Variants in GPC5 observed in about 807,000 individuals in gnomAD.
GPC5 encodes the protein glypican 5.
A neutral mutation model predicts 53.9 loss-of-function variants in GPC5; 47 were observed. The ratio of observed to expected loss-of-function variants is 0.87; its 90% CI spans 0.69 to 1.11. The LOEUF (loss-of-function observed/expected upper bound fraction) is 1.11. GPC5 is among the 50% of genes most tolerant of loss of function. The probability of loss-of-function intolerance (pLI) is 0.00; values close to 1 mark genes in which losing one functional copy is unlikely to be tolerated. For missense variants in GPC5, 748 were observed against 713.1 expected (o/e 1.05, Z -0.56); for synonymous variants, 286 against 263.3 (o/e 1.09, Z -0.84).
chr13:91,936,098 A>G (rs964210244), intron 6 of GPC5, among the ~76,000 whole-genome samples: 2 of 152,056 alleles, frequency 1.3e-5, no homozygotes, highest in East Asian at 1.9e-4. Context: ...TATTTGTGAC[A>G]TAACAGTGAT....
chr13:92,857,658 G>A (rs982486129), intron 7 of GPC5, among the ~76,000 whole-genome samples: 1 of 152,002 alleles, frequency 6.6e-6, no homozygotes, highest in Non-Finnish European at 1.5e-5. Context: ...AGTGGGCAAA[G>A]TACATGAAGA....
At chr13:92,049,756 AAC>A (rs1394998926) in intron 6 of GPC5, among the ~76,000 whole-genome samples, 3 of 152,288 alleles carry the variant, frequency 2.0e-5, no homozygotes, top group African/African-American at 7.2e-5. Flanking sequence ...TTGCAATGTT[AAC>A]TAACTTAATT....
chr13:91,888,171 C>T (rs1424082053), intron 5 of GPC5, among the ~76,000 whole-genome samples: 6 of 152,154 alleles, frequency 3.9e-5, no homozygotes, highest in African/African-American at 1.2e-4. Flanking sequence ...GGGCATGTCT[C>T]ATATGGTGGC....
chr13:92,284,771 T>C (rs1319148096), intron 7 of GPC5, among the ~76,000 whole-genome samples: 1 of 152,026 alleles, frequency 6.6e-6, no homozygotes, highest in Non-Finnish European at 1.5e-5. Flanking sequence ...TATGACAAAC[T>C]CACAATCAAT....
At chr13:91,485,691 G>A (rs762066172) in intron 2 of GPC5, 7 of 152,082 alleles carry the variant, frequency 4.6e-5, no homozygotes, top group African/African-American at 1.7e-4. Flanking sequence ...ATATGATTAA[G>A]TATACAGTTT....
intron 6 of GPC5, among the ~76,000 whole-genome samples, chr13:92,064,350 A>C (rs2041148042): frequency 6.6e-6 from 1 of 152,200 alleles, no homozygotes; most frequent in South Asian, 2.1e-4. Flanking sequence ...GTCGCCCCCT[A>C]GAGTTTCTGA....
At chr13:91,435,876 G>T (rs1879900534) in intron 1 of GPC5, among the ~76,000 whole-genome samples, 1 of 152,166 alleles carries the variant, frequency 6.6e-6, no homozygotes, top group South Asian at 2.1e-4. Context: ...CCTGTTATTG[G>T]TCTATTCAGA....
chr13:92,713,823 A>G (rs905390198), intron 7 of GPC5, among the ~76,000 whole-genome samples: 1 of 152,178 alleles, frequency 6.6e-6, no homozygotes, highest in African/African-American at 2.4e-5. Context: ...AAATATTGAC[A>G]GAGAAAATGG....
At chr13:91,682,518 T>C (rs762116214) in intron 2 of GPC5, among the ~76,000 whole-genome samples, 1 of 152,174 alleles carries the variant, frequency 6.6e-6, no homozygotes, top group Non-Finnish European at 1.5e-5. Flanking sequence ...TTTACACGCA[T>C]GGGACTAGCA....
At position 91,414,479 on chromosome 13, in the gene GPC5, C is replaced by T. The variant is rs116849236; in HGVS notation, c.163+15270C>T. 2.2e-3 allele frequency among the ~76,000 whole-genome samples: 338 copies of T among 152,236 alleles called. 8 individuals are homozygous for T. In the East Asian group the frequency reaches 0.035, roughly 16 times the overall value. ...AAATTGACTAATACAGTGATGTTTC[C>T]ATATGGAAAACCTGATTCCATTTCC... On this transcript the variant is annotated intron_variant, in intron 1 of 7. Coordinates refer to ENST00000377067, the MANE Select transcript of GPC5 (RefSeq NM_004466.6).
chr13:91,551,255 T>A lies in GPC5; in HGVS notation c.325+102333T>A, dbSNP rs75934526. Among the ~76,000 whole-genome samples the A allele has an allele frequency of 3.1e-3, 473 of 152,160 alleles. 3 individuals carry two copies. Among genetic ancestry groups the A allele is most frequent in the East Asian group, 0.018 (94 of 5,178 alleles). On this transcript the variant is annotated intron_variant, in intron 2 of 7. Transcript: ENST00000377067. ...TATGGCTCAGTGAATAAAGAGTAAA[T>A]CTTTAAAAAATCAGAGTGAAATGGA...
chr13:91,643,835 C>A (rs948826955), intron 2 of GPC5, among the ~76,000 whole-genome samples: 9 of 152,086 alleles, frequency 5.9e-5, no homozygotes, highest in African/African-American at 2.2e-4. Context: ...TTAGGAGTCT[C>A]CATTACACTC....
chr13:91,786,403 C>T (rs1338002272), intron 5 of GPC5, among the ~76,000 whole-genome samples: 1 of 152,196 alleles, frequency 6.6e-6, no homozygotes, highest in African/African-American at 2.4e-5. Flanking sequence ...CTCCTGCTCT[C>T]CCTTCCTTAC....
chr13:91,835,681 C>T (rs2038715638), intron 5 of GPC5, among the ~76,000 whole-genome samples: 1 of 147,480 alleles, frequency 6.8e-6, no homozygotes, highest in African/African-American at 2.5e-5. Flanking sequence ...GGGAGTTGAA[C>T]AATGAGAACA....
At chr13:91,550,020 G>A (rs1195190273) in intron 2 of GPC5, among the ~76,000 whole-genome samples, 2 of 152,134 alleles carry the variant, frequency 1.3e-5, no homozygotes, top group African/African-American at 4.8e-5. Flanking sequence ...TCCTCAGTGG[G>A]TGAAATGTGG....
intron 6 of GPC5, among the ~76,000 whole-genome samples, chr13:92,076,520 T>C (rs1594754226): frequency 1.3e-5 from 2 of 152,130 alleles, no homozygotes. Flanking sequence ...TAAATAAAAT[T>C]GGTAGCTCAT....
chr13:92,058,834 G>A (rs1037475111), intron 6 of GPC5, among the ~76,000 whole-genome samples: 1 of 152,126 alleles, frequency 6.6e-6, no homozygotes, highest in Admixed American at 6.5e-5. Flanking sequence ...GTGAACCACC[G>A]CCCTTGGCCA....
At chr13:92,242,584 T>A (rs936596741) in intron 7 of GPC5, among the ~76,000 whole-genome samples, 1 of 151,760 alleles carries the variant, frequency 6.6e-6, no homozygotes, top group Non-Finnish European at 1.5e-5. Context: ...AACCACAAAA[T>A]TAAAAAAATT....
chr13:91,869,871 TAAAC>T (rs568591272), intron 5 of GPC5, among the ~76,000 whole-genome samples: 27 of 152,112 alleles, frequency 1.8e-4, no homozygotes, highest in Middle Eastern at 3.4e-3. Flanking sequence ...GCTACACACT[TAAAC>T]AACCAGATTT....
Sources: gnomAD v4.1 joint callset for allele counts (sites outside exome capture counted in the v4.1 genomes callset) on GRCh38, gnomAD v4.1.1 for gene constraint, MANE v1.5 for transcripts, NCBI Gene and HGNC (gene_info 2026-07-23, HGNC 2026-07-21) for gene names.